Variants in PCDH15 observed in about 807,000 individuals in gnomAD.
The protein encoded by PCDH15 is protocadherin related 15.
Under a neutral mutation model 178.5 loss-of-function variants are expected in PCDH15, and 129 were observed. The ratio of observed to expected loss-of-function variants is 0.72; its 90% CI spans 0.63 to 0.84. PCDH15 has a LOEUF of 0.84. Among genes scored for constraint, PCDH15 ranks in the 40% least tolerant of loss-of-function variants. The pLI is 0.00. For missense variants in PCDH15, 2,230 were observed against 2,099.9 expected (o/e 1.06, Z -1.21); for synonymous variants, 800 against 732.0 (o/e 1.09, Z -1.50).
At chr10:54,592,464 GATC>G (rs2091947868) in intron 2 of PCDH15, among the ~76,000 whole-genome samples, 2 of 151,944 alleles carry the variant, frequency 1.3e-5, no homozygotes, top group South Asian at 4.1e-4. Flanking sequence ...ATTGTGAAAT[GATC>G]ATCATAATCA....
chr10:54,272,812 T>C (rs1291271772), intron 8 of PCDH15, among the ~76,000 whole-genome samples: 1 of 152,092 alleles, frequency 6.6e-6, no homozygotes, highest in East Asian at 1.9e-4. Context: ...TCATACTTAA[T>C]AATATAGTAC....
intron 2 of PCDH15, among the ~76,000 whole-genome samples, chr10:55,040,050 G>GA (rs986412157): frequency 6.6e-6 from 1 of 150,966 alleles, no homozygotes; most frequent in African/African-American, 2.4e-5. Flanking sequence ...ACATAACCAA[G>GA]AAAAAATATA....
At chr10:53,890,703 G>A (rs1379785323) in intron 26 of PCDH15, among the ~76,000 whole-genome samples, 1 of 152,066 alleles carries the variant, frequency 6.6e-6, no homozygotes, top group Non-Finnish European at 1.5e-5. Context: ...GCCTAGTTTA[G>A]ATGTTATTTT....
intron 15 of PCDH15, among the ~76,000 whole-genome samples, chr10:54,103,325 C>T (rs540033648): frequency 1.1e-4 from 17 of 152,320 alleles, no homozygotes; most frequent in Middle Eastern, 3.4e-3. Context: ...TCTGATGCTG[C>T]TTTGCCTCTG....
intron 2 of PCDH15, among the ~76,000 whole-genome samples, chr10:55,013,196 C>T (rs1011364284): frequency 6.6e-6 from 1 of 152,106 alleles, no homozygotes; most frequent in Non-Finnish European, 1.5e-5. Context: ...CTACATTTCC[C>T]ATCTGGATGT....
At chr10:54,652,550 A>C (rs1207541392) in intron 2 of PCDH15, among the ~76,000 whole-genome samples, 1 of 152,126 alleles carries the variant, frequency 6.6e-6, no homozygotes, top group East Asian at 1.9e-4. Context: ...TCCCCTAGTA[A>C]CTCAGAATGT....
chr10:55,222,010 G>A (rs549798958), intron 1 of PCDH15, among the ~76,000 whole-genome samples: 1 of 150,606 alleles, frequency 6.6e-6, no homozygotes, highest in African/African-American at 2.4e-5. Flanking sequence ...GGGACTACAG[G>A]CACCCGCCAC....
rs141820759 is a variant in PCDH15 at position 54,872,949 on chromosome 10, A to T, written c.-29+24501T>A. 8.8e-3 allele frequency among the ~76,000 whole-genome samples: 1,333 copies of T among 152,200 alleles called. 15 individuals carry two copies. The highest frequency in any genetic ancestry group is 0.03 in the African/African-American group (1,243 of 41,538). On this transcript the variant is annotated intron_variant, in intron 3 of 5. Coordinates refer to the PCDH15 transcript ENST00000458638. ...AGGCACCAAACCAAGGTCTCAAAGG[A>T]CATACTTGTCACTTTGAAAATGTTC...
chr10:53,991,987 G>A (rs576677247), intron 21 of PCDH15, among the ~76,000 whole-genome samples: 2 of 152,184 alleles, frequency 1.3e-5, no homozygotes, highest in South Asian at 2.1e-4. Flanking sequence ...TGGAAGCGTT[G>A]TTCTTTTGCT....
chr10:54,292,029 T>G (rs776922962), intron 8 of PCDH15, among the ~76,000 whole-genome samples: 2 of 152,054 alleles, frequency 1.3e-5, no homozygotes, highest in East Asian at 1.9e-4. Context: ...AACAGAGAAT[T>G]TTAAACCAAT....
At chr10:54,520,199 C>A (rs1188089599) in intron 3 of PCDH15, among the ~76,000 whole-genome samples, 2 of 152,074 alleles carry the variant, frequency 1.3e-5, no homozygotes, top group Non-Finnish European at 2.9e-5. Flanking sequence ...CAACAAAAGC[C>A]AAAATTGACA....
chr10:54,100,886 C>T (rs1401335430), intron 15 of PCDH15, among the ~76,000 whole-genome samples: 2 of 151,732 alleles, frequency 1.3e-5, no homozygotes, highest in Non-Finnish European at 2.9e-5. Flanking sequence ...TGCAAGGTTA[C>T]ATGTATACTT....
At chr10:54,986,223 T>C (rs1839359963) in intron 2 of PCDH15, among the ~76,000 whole-genome samples, 1 of 152,090 alleles carries the variant, frequency 6.6e-6, no homozygotes, top group Admixed American at 6.6e-5. Flanking sequence ...ACGGGTACTA[T>C]GCAGGGGATA....
intron 2 of PCDH15, among the ~76,000 whole-genome samples, chr10:54,640,159 A>G (rs2134930718): frequency 6.6e-6 from 1 of 152,290 alleles, no homozygotes; most frequent in African/African-American, 2.4e-5. Flanking sequence ...ATTTATAGTT[A>G]ATGTTGCTTC....
chr10:55,499,009 T>C (rs1424216047), intron 2 of PCDH15, among the ~76,000 whole-genome samples: 1 of 151,880 alleles, frequency 6.6e-6, no homozygotes, highest in Admixed American at 6.6e-5. Flanking sequence ...TAGCAAGACA[T>C]TGAGGGCTTT....
chr10:55,492,065 G>A (rs927659677), intron 2 of PCDH15, among the ~76,000 whole-genome samples: 2 of 151,678 alleles, frequency 1.3e-5, no homozygotes, highest in African/African-American at 4.8e-5. Context: ...CCATTCTGAT[G>A]GAGGAGTGAC....
At chr10:53,990,731 C>G (rs372634701) in intron 21 of PCDH15, among the ~76,000 whole-genome samples, 1 of 152,042 alleles carries the variant, frequency 6.6e-6, no homozygotes. Context: ...CCCCTTCAGC[C>G]CACCGCTGCA....
intron 9 of PCDH15, among the ~76,000 whole-genome samples, chr10:54,234,130 T>TGTGTGTGTGTGTG (rs1591331290): frequency 9.7e-6 from 1 of 103,096 alleles, no homozygotes; most frequent in African/African-American, 4.0e-5. Context: ...GGATATCCCC[T>TGTGTGTGTGTGTG]TCTGTGTGTG....
intron 13 of PCDH15, among the ~76,000 whole-genome samples, chr10:54,157,509 G>C (rs1369054852): frequency 6.6e-6 from 1 of 152,108 alleles, no homozygotes; most frequent in Admixed American, 6.5e-5. Context: ...AGGGACCCTG[G>C]GCCTGCCCAT....
Sources: allele counts gnomAD v4.1 joint callset (sites outside exome capture counted in the v4.1 genomes callset), GRCh38; gene constraint gnomAD v4.1.1; transcripts MANE v1.5; gene names NCBI Gene and HGNC (gene_info 2026-07-23, HGNC 2026-07-21).